The following EVA1C variants were observed in gnomAD, a reference collection of about 807,000 sequenced individuals.
The protein encoded by EVA1C is eva-1 homolog C.
In EVA1C, 25 loss-of-function variants were observed where a neutral mutation model predicts 45.4. That is an observed-to-expected ratio of 0.55 (90% CI 0.40 to 0.77). The LOEUF is 0.77. Ranked by LOEUF, EVA1C falls within the 30% of genes least tolerant of loss-of-function variation. EVA1C has a pLI of 0.00. For synonymous variants in EVA1C, 190 were observed against 221.2 expected (o/e 0.86, Z 1.25); for missense variants, 479 against 554.8 (o/e 0.86, Z 1.37).
At chr21:32,459,676 T>C (rs1440537998) in intron 3 of EVA1C, among the ~76,000 whole-genome samples, 2 of 151,976 alleles carry the variant, frequency 1.3e-5, no homozygotes, top group African/African-American at 4.8e-5. Context: ...ACCCCGTCTC[T>C]ACTAAAAATA....
chr21:32,498,495 G>A (rs1392465051), intron 5 of EVA1C, among the ~76,000 whole-genome samples: 1 of 151,802 alleles, frequency 6.6e-6, no homozygotes, highest in Non-Finnish European at 1.5e-5. Flanking sequence ...AGCAGTTGAG[G>A]GAGAAAGGCA....
At chr21:32,481,401 C>CTTT (rs5843555) in intron 4 of EVA1C, among the ~76,000 whole-genome samples, 5 of 133,072 alleles carry the variant, frequency 3.8e-5, no homozygotes, top group African/African-American at 1.4e-4. Context: ...GAAACAGAAC[C>CTTT]TTTTTTTTTT....
chr21:32,425,455 A>T (rs1426688751), intron 1 of EVA1C, among the ~76,000 whole-genome samples: 1 of 151,606 alleles, frequency 6.6e-6, no homozygotes, highest in Non-Finnish European at 1.5e-5. Flanking sequence ...AAGTGCTGGG[A>T]TTACAGATAG....
At chr21:32,460,183 G>A (rs973511913) in intron 3 of EVA1C, among the ~76,000 whole-genome samples, 3 of 152,138 alleles carry the variant, frequency 2.0e-5, no homozygotes, top group East Asian at 1.9e-4. Flanking sequence ...CGGTTCTATC[G>A]TGGGTGGTGT....
intron 1 of EVA1C, among the ~76,000 whole-genome samples, chr21:32,416,860 G>C (rs989293939): frequency 4.6e-5 from 7 of 152,208 alleles, no homozygotes; most frequent in Middle Eastern, 3.2e-3. Flanking sequence ...AAGTAGAAGG[G>C]ACAGGGGATG....
Position 32,515,005 on chromosome 21 carries a change from C to T in EVA1C, c.1141C>T (p.Pro381Ser), listed in dbSNP as rs78591294. 4,738 of 1,613,936 alleles carry T rather than the reference C, an allele frequency of 2.9e-3. 132 individuals are homozygous for T. In the African/African-American group the frequency reaches 0.054, roughly 18 times the overall value. Residue 381 changes from proline to serine, a missense_variant, in exon 8 of 8, where the codon CCC (proline) becomes TCC (serine). Pro to Ser is a moderately conservative substitution (Grantham distance 74). Coordinates refer to ENST00000300255, the MANE Select transcript of EVA1C (RefSeq NM_058187.5). The stretch of plus-strand genomic sequence containing the variant: ...CGAGGATGAAGAAGAGGAGGAGGAC[C>T]CCTCTGAGTCTGATTTCCCAGGGGA... Reference protein sequence around the residue: ...DSEDEEEEEDPSESDFPGELS... With the variant: ...DSEDEEEEEDSSESDFPGELS...
At chr21:32,507,517 T>G (rs1200350983) in intron 7 of EVA1C, among the ~76,000 whole-genome samples, 1 of 150,192 alleles carries the variant, frequency 6.7e-6, no homozygotes, top group African/African-American at 2.5e-5. Flanking sequence ...TCTGTGTGCA[T>G]GTGTCTCTGT....
chr21:32,437,860 C>T lies in EVA1C; in HGVS notation c.161-15452C>T, dbSNP rs144433993. ...GGGCCATAGTGGGTCTTCTTGGTGACGAATGAGGGAGGAGCGAGCGCTTTT... is the reference window on the plus strand; with the variant it reads ...GGGCCATAGTGGGTCTTCTTGGTGATGAATGAGGGAGGAGCGAGCGCTTTT... On this transcript the variant is annotated intron_variant, in intron 1 of 7. Coordinates refer to ENST00000300255, the MANE Select transcript of EVA1C (RefSeq NM_058187.5). Among the ~76,000 whole-genome samples, 420 of 152,284 alleles carry T rather than the reference C, an allele frequency of 2.8e-3. 1 individual carries two copies. The highest frequency in any genetic ancestry group is 9.3e-3 in the African/African-American group (388 of 41,546).
At chr21:32,502,394 C>T (rs1216414500) in intron 6 of EVA1C, among the ~76,000 whole-genome samples, 1 of 152,200 alleles carries the variant, frequency 6.6e-6, no homozygotes, top group Non-Finnish European at 1.5e-5. Context: ...CCACCGCACC[C>T]GGCCCCTCCT....
At chr21:32,481,105 C>T (rs2036768802) in intron 4 of EVA1C, among the ~76,000 whole-genome samples, 1 of 152,032 alleles carries the variant, frequency 6.6e-6, no homozygotes, top group Admixed American at 6.6e-5. Flanking sequence ...TTTACTAGGG[C>T]TTTTTCCCCC....
chr21:32,425,005 G>A (rs529781922), intron 1 of EVA1C, among the ~76,000 whole-genome samples: 5 of 151,928 alleles, frequency 3.3e-5, no homozygotes, highest in Admixed American at 2.0e-4. Flanking sequence ...TACACACCCC[G>A]CTAATTTTTA....
intron 7 of EVA1C, among the ~76,000 whole-genome samples, chr21:32,505,672 C>T (rs544930454): frequency 1.3e-5 from 2 of 152,310 alleles, no homozygotes; most frequent in South Asian, 4.1e-4. Context: ...TCAAAGTATC[C>T]ACCAATCACT....
At chr21:32,468,678 G>A (rs2036269517) in intron 4 of EVA1C, among the ~76,000 whole-genome samples, 1 of 152,086 alleles carries the variant, frequency 6.6e-6, no homozygotes, top group African/African-American at 2.4e-5. Context: ...AGACCTGGAG[G>A]CTAGGGCAGT....
At chr21:32,507,723 T>A (rs536592926) in intron 7 of EVA1C, among the ~76,000 whole-genome samples, 2 of 151,408 alleles carry the variant, frequency 1.3e-5, no homozygotes, top group Admixed American at 6.6e-5. Context: ...TGTGCATGTG[T>A]GTGCATACGT....
In EVA1C at chr21:32,514,807, C is replaced by T. The variant is rs2038082781; in HGVS notation, c.950-7C>T. On this transcript the variant is annotated splice_region_variant and splice_polypyrimidine_tract_variant and intron_variant, in intron 7 of 7. Transcript: ENST00000300255. ...CCAGCTCCTGACATGTTCTCTTCCT[C>T]CTGCAGCCCACCCGGAGAGAGCTGC... The T allele has an allele frequency of 3.9e-6, 6 of 1,537,770 alleles. No individual in the cohort carries two copies. Among genetic ancestry groups the T allele is most frequent in the Non-Finnish European group, 5.3e-6 (6 of 1,141,334 alleles).
At chr21:32,512,813 G>A (rs1410431952) in intron 7 of EVA1C, among the ~76,000 whole-genome samples, 2 of 152,062 alleles carry the variant, frequency 1.3e-5, no homozygotes, top group Non-Finnish European at 2.9e-5. Flanking sequence ...AGCCCTAACA[G>A]CATCACAGAA....
chr21:32,484,965 G>A (rs2036923183), intron 4 of EVA1C, among the ~76,000 whole-genome samples: 1 of 152,040 alleles, frequency 6.6e-6, no homozygotes. Flanking sequence ...TACTGCACAA[G>A]CATTGTTAAT....
At chr21:32,447,116 T>C (rs1472757140) in intron 1 of EVA1C, among the ~76,000 whole-genome samples, 2 of 152,206 alleles carry the variant, frequency 1.3e-5, no homozygotes, top group African/African-American at 4.8e-5. Flanking sequence ...CTAATAGGTA[T>C]GAGCCTGGCG....
chr21:32,413,739 G>A (rs1408105491), intron 1 of EVA1C, among the ~76,000 whole-genome samples: 1 of 152,216 alleles, frequency 6.6e-6, no homozygotes, highest in Non-Finnish European at 1.5e-5. Context: ...GGGATTTCTA[G>A]GTTGACGATA....
Sources: gnomAD v4.1 joint callset for allele counts (sites outside exome capture counted in the v4.1 genomes callset) on GRCh38, gnomAD v4.1.1 for gene constraint, MANE v1.5 for transcripts, NCBI Gene and HGNC (gene_info 2026-07-23, HGNC 2026-07-21) for gene names.